CTNNBIP1: variants seen among roughly 807,000 people sequenced by gnomAD.
CTNNBIP1 encodes the protein catenin beta interacting protein 1.
CTNNBIP1 carries 7 observed loss-of-function variants against 11.8 expected under a neutral mutation model. The observed-to-expected ratio is 0.60, with a 90% CI of 0.34 to 1.12. The LOEUF (loss-of-function observed/expected upper bound fraction) is 1.12, where lower values mean the gene tolerates loss of function less well. Ranked by LOEUF, CTNNBIP1 falls within the 50% of genes most tolerant of loss-of-function variation. CTNNBIP1 has a pLI of 0.03. For synonymous variants in CTNNBIP1, 58 were observed against 43.9 expected, an observed-to-expected ratio of 1.32 and a Z score of -1.26; for missense variants, 101 against 113.4, an observed-to-expected ratio of 0.89 and a Z score of 0.50.
chr1:9,893,676 T>C (rs559417915), intron 1 of CTNNBIP1, among the ~76,000 whole-genome samples: 109 of 152,346 alleles, frequency 7.2e-4, no homozygotes, highest in Non-Finnish European at 1.2e-3. Context: ...ATTAAGATGA[T>C]TTCTGAGGAT....
chr1:9,887,147 T>C (rs2101519043), intron 1 of CTNNBIP1, among the ~76,000 whole-genome samples: 1 of 152,316 alleles, frequency 6.6e-6, no homozygotes, highest in East Asian at 1.9e-4. Context: ...TGAAGCCAGG[T>C]GATGCTACCG....
intron 1 of CTNNBIP1, among the ~76,000 whole-genome samples, chr1:9,888,853 C>T (rs1218669470): frequency 1.3e-5 from 2 of 152,224 alleles, no homozygotes; most frequent in Admixed American, 1.3e-4. Flanking sequence ...AGGTCCAGAG[C>T]TCTCTGATGA....
At chr1:9,873,055 C>T (rs113695189) in intron 3 of CTNNBIP1, among the ~76,000 whole-genome samples, 13 of 152,286 alleles carry the variant, frequency 8.5e-5, no homozygotes, top group African/African-American at 2.6e-4. Context: ...CCTGGACCAG[C>T]GGGCTTTCCC....
At chr1:9,853,273 C>T (rs1309404330) in intron 5 of CTNNBIP1, among the ~76,000 whole-genome samples, 1 of 152,220 alleles carries the variant, frequency 6.6e-6, no homozygotes, top group African/African-American at 2.4e-5. Context: ...GGCAGGCTCT[C>T]AGTTCTTCCA....
At chr1:9,898,906 T>G (rs988357729) in intron 1 of CTNNBIP1, among the ~76,000 whole-genome samples, 3 of 152,240 alleles carry the variant, frequency 2.0e-5, no homozygotes, top group African/African-American at 7.2e-5. Context: ...GTATTATTTG[T>G]TATTGTATTG....
At position 9,851,998 on chromosome 1, in the gene CTNNBIP1, T is replaced by C. The variant is rs1395764381; in HGVS notation, c.188-1222A>G. 1.3e-5 allele frequency among the ~76,000 whole-genome samples: 2 copies of C among 152,272 alleles called. No individual in the cohort carries two copies. The highest frequency in any genetic ancestry group is 2.9e-5 in the Non-Finnish European group (2 of 68,014). ...CGAAAAGTACCAGTCTGGCTGCCCA[T>C]GGTCTTTCTGACATGTTGTCTGTGC... On this transcript the variant is annotated intron_variant, in intron 5 of 5. Transcript: ENST00000377263. This position sits in a 1 kb window ranked among gnomAD's most constrained non-coding sequence, Gnocchi z 4.8.
intron 1 of CTNNBIP1, among the ~76,000 whole-genome samples, chr1:9,892,684 G>GTCTT (rs1205687690): frequency 5.3e-5 from 8 of 152,130 alleles, no homozygotes; most frequent in African/African-American, 1.7e-4. Flanking sequence ...AAAGATATAG[G>GTCTT]TGTATCTGTT....
At chr1:9,853,521 T>C (rs1249247677) in intron 5 of CTNNBIP1, among the ~76,000 whole-genome samples, 1 of 152,224 alleles carries the variant, frequency 6.6e-6, no homozygotes, top group Non-Finnish European at 1.5e-5. Flanking sequence ...AGTCCTACAG[T>C]CTTTCCTTTG....
chr1:9,875,703 G>A (rs1638953644), intron 3 of CTNNBIP1, among the ~76,000 whole-genome samples: 1 of 152,226 alleles, frequency 6.6e-6, no homozygotes, highest in Non-Finnish European at 1.5e-5. Context: ...AATTCTTCCA[G>A]CTCTAGTTTG....
chr1:9,876,845 TAC>T (rs34192085), intron 3 of CTNNBIP1, among the ~76,000 whole-genome samples: 63,320 of 137,674 alleles, frequency 0.46, 15,597 homozygotes, highest in Non-Finnish European at 0.57. Context: ...CTGCTATACA[TAC>T]ACACACACAC....
At chr1:9,898,889 T>A (rs1244884603) in intron 1 of CTNNBIP1, among the ~76,000 whole-genome samples, 1 of 152,236 alleles carries the variant, frequency 6.6e-6, no homozygotes, top group African/African-American at 2.4e-5. Flanking sequence ...ATATTGGTTT[T>A]TTATTTGTAT....
chr1:9,896,130 G>T (rs1440720397), intron 1 of CTNNBIP1, among the ~76,000 whole-genome samples: 1 of 147,748 alleles, frequency 6.8e-6, no homozygotes, highest in Non-Finnish European at 1.5e-5. Flanking sequence ...TGTTTATCAG[G>T]ATATTAACAT....
intron 5 of CTNNBIP1, among the ~76,000 whole-genome samples, chr1:9,869,145 G>A (rs192884018): frequency 9.8e-4 from 149 of 151,546 alleles, no homozygotes; most frequent in African/African-American, 3.3e-3. Context: ...GACTACAGAC[G>A]TGTGCCACCA....
At position 9,872,016 on chromosome 1, in the gene CTNNBIP1, G is replaced by C. The variant is rs1442815862; in HGVS notation, c.49C>G (p.Gln17Glu). 1 of 1,614,194 alleles carries C rather than the reference G, an allele frequency of 6.2e-7. No homozygotes were observed. The highest frequency in any genetic ancestry group is 2.2e-5 in the East Asian group (1 of 44,884). ...ATGAGCAGCACTCGGACCTTCTGCTGAATGTACATCTCCTCCGGACTCTTC... is the reference window on the plus strand; with the variant it reads ...ATGAGCAGCACTCGGACCTTCTGCTCAATGTACATCTCCTCCGGACTCTTC... ...PGKSPEEMYI[Q>E]QKVRVLLMLR... The change falls in exon 4 of 6, where the codon CAG (glutamine) becomes GAG (glutamate). Residue 17 changes from glutamine (Q) to glutamate (E), a missense_variant. Gln to Glu is a conservative substitution (Grantham distance 29). Transcript: ENST00000377263. This position sits in a 1 kb window ranked among gnomAD's most constrained non-coding sequence, Gnocchi z 4.0.
intron 5 of CTNNBIP1, among the ~76,000 whole-genome samples, chr1:9,868,029 AAAAT>A (rs1180606876): frequency 1.3e-5 from 2 of 152,202 alleles, no homozygotes; most frequent in Non-Finnish European, 1.5e-5. Flanking sequence ...GCTCGCAAAG[AAAAT>A]AAATATGCTT....
intron 5 of CTNNBIP1, among the ~76,000 whole-genome samples, chr1:9,865,890 T>C (rs997250886): frequency 6.6e-6 from 1 of 152,132 alleles, no homozygotes; most frequent in Non-Finnish European, 1.5e-5. Flanking sequence ...AAGCCTGGAC[T>C]CAGCACTCCA....
chr1:9,901,508 T>TATTCGGTTCAGGTC lies in CTNNBIP1; in HGVS notation c.-144+8573_-144+8586dup, dbSNP rs1245154111. On this transcript the variant is annotated intron_variant, in intron 1 of 5. Transcript: ENST00000377263. ...GTAACTTCATCTGCCCTGGGGTGGT[T>TATTCGGTTCAGGTC]ATTCGGTTCAGGTCAAGGACATTGA... is the stretch of plus-strand genomic sequence containing the variant. Among the ~76,000 whole-genome samples, 33 of 152,074 alleles carry TATTCGGTTCAGGTC rather than the reference T, an allele frequency of 2.2e-4. 1 individual carries two copies. Among genetic ancestry groups the TATTCGGTTCAGGTC allele is most frequent in the African/African-American group, 7.5e-4 (31 of 41,388 alleles).
chr1:9,909,854 G>A (rs995727706), intron 1 of CTNNBIP1, among the ~76,000 whole-genome samples: 3 of 151,840 alleles, frequency 2.0e-5, no homozygotes, highest in Non-Finnish European at 2.9e-5. Flanking sequence ...TGGGCGGCGC[G>A]GACACCTGTG....
chr1:9,856,537 G>A (rs1220896875), intron 5 of CTNNBIP1, among the ~76,000 whole-genome samples: 7 of 148,766 alleles, frequency 4.7e-5, no homozygotes, highest in Middle Eastern at 3.2e-3. Context: ...TTTTGAGAGG[G>A]AGTCTCGCTC....
Sources: allele counts gnomAD v4.1 joint callset (sites outside exome capture counted in the v4.1 genomes callset), GRCh38; gene constraint gnomAD v4.1.1; non-coding constraint Gnocchi (gnomAD v3.1); transcripts MANE v1.5; gene names NCBI Gene and HGNC (gene_info 2026-07-23, HGNC 2026-07-21).